Variants in SLMAP observed in about 807,000 individuals in gnomAD.
The protein encoded by SLMAP is sarcolemmal membrane-associated protein.
In SLMAP, 44 loss-of-function variants were observed where a neutral mutation model predicts 128.8. The observed-to-expected ratio is 0.34, with a 90% CI of 0.27 to 0.44. The LOEUF is 0.44. Ranked by LOEUF, SLMAP falls within the 20% of genes least tolerant of loss-of-function variation. The pLI is 1.00. For missense variants in SLMAP, 787 were observed against 985.3 expected, an observed-to-expected ratio of 0.80 and a Z score of 2.69; for synonymous variants, 327 against 348.8, an observed-to-expected ratio of 0.94 and a Z score of 0.70.
At chr3:57,912,319 A>G in intron 19 of SLMAP, 62 bp from the exon 20 acceptor site, 2 of 1,447,906 alleles carry the variant, frequency 1.4e-6, no homozygotes, top group South Asian at 1.2e-5. Flanking sequence ...ATTAGCTACA[A>G]TCCTGTATGG....
intron 13 of SLMAP, among the ~76,000 whole-genome samples, chr3:57,865,811 C>G (rs1032000144): frequency 6.6e-6 from 1 of 152,122 alleles, no homozygotes; most frequent in Non-Finnish European, 1.5e-5. Context: ...TTCTGGACAG[C>G]GTGGGTTCTC....
At chr3:57,758,165 A>G (rs1055514743) in intron 2 of SLMAP, among the ~76,000 whole-genome samples, 15 of 152,188 alleles carry the variant, frequency 9.9e-5, no homozygotes, top group Non-Finnish European at 1.9e-4. Context: ...TAGAAAGGTG[A>G]ATTCACAGTT....
intron 2 of SLMAP, among the ~76,000 whole-genome samples, chr3:57,774,786 A>C (rs1031205810): frequency 6.6e-6 from 1 of 152,126 alleles, no homozygotes; most frequent in Non-Finnish European, 1.5e-5. Flanking sequence ...AGCCTCCCAA[A>C]ATGCTGGGAT....
chr3:57,837,277 G>C (rs1266628404), intron 3 of SLMAP, among the ~76,000 whole-genome samples: 5 of 152,196 alleles, frequency 3.3e-5, no homozygotes, highest in Non-Finnish European at 7.3e-5. Flanking sequence ...AAGTGTGTCT[G>C]TCTTCACTGT....
rs2077769078 is a variant in SLMAP at position 57,756,909 on chromosome 3, G to A, written c.-743G>A. The A allele has an allele frequency of 6.6e-6, 1 of 152,330 alleles. No homozygotes were observed. Among genetic ancestry groups the A allele is most frequent in the South Asian group, 2.1e-4 (1 of 4,836 alleles). 9.4% of individuals were successfully genotyped at this position (152,330 alleles called of 1,614,324 possible). A position where few individuals can be genotyped will look rare whatever the true frequency, so the allele number is the denominator to read the frequency against. Reference sequence around the variant, plus strand: ...CTGGTCGCGGGGACGCTCGCCAGGTGCCCAGGAGTCCCGACTTGGCCACTG... The same window carrying A: ...CTGGTCGCGGGGACGCTCGCCAGGTACCCAGGAGTCCCGACTTGGCCACTG... On this transcript the variant is annotated 5_prime_UTR_variant, in exon 2 of 25. Transcript: ENST00000671191.
At chr3:57,850,613 T>G (rs1015453356) in intron 6 of SLMAP, among the ~76,000 whole-genome samples, 7 of 151,730 alleles carry the variant, frequency 4.6e-5, no homozygotes, top group Admixed American at 3.3e-4. Flanking sequence ...ATAGATGACT[T>G]TTGTTTTGTT....
intron 23 of SLMAP, 49 bp from the exon 24 acceptor site, chr3:57,925,796 G>T: frequency 7.4e-7 from 1 of 1,344,530 alleles, no homozygotes; most frequent in South Asian, 1.3e-5. Flanking sequence ...CCTCTTATCT[G>T]ATTACTTTCA....
chr3:57,922,504 C>T (rs2096936621), intron 22 of SLMAP, among the ~76,000 whole-genome samples: 1 of 150,106 alleles, frequency 6.7e-6, no homozygotes, highest in Non-Finnish European at 1.5e-5. Context: ...TCTTGGCTCA[C>T]TGCAACCTCT....
At chr3:57,860,126 C>G (rs893902866) in intron 8 of SLMAP, among the ~76,000 whole-genome samples, 4 of 152,178 alleles carry the variant, frequency 2.6e-5, no homozygotes, top group Non-Finnish European at 4.4e-5. Flanking sequence ...ACGCAATCCT[C>G]CCATCTCGGC....
chr3:57,801,809 T>G (rs2088492805), intron 2 of SLMAP, among the ~76,000 whole-genome samples: 1 of 152,064 alleles, frequency 6.6e-6, no homozygotes, highest in African/African-American at 2.4e-5. Flanking sequence ...TTTCCAGTAG[T>G]TTGTGCCAGT....
chr3:57,782,623 C>G (rs1434213589), intron 2 of SLMAP, among the ~76,000 whole-genome samples: 1 of 152,140 alleles, frequency 6.6e-6, no homozygotes, highest in African/African-American at 2.4e-5. Context: ...CAGGTGTGCA[C>G]CACCATGCCT....
chr3:57,909,105 C>T lies in SLMAP; in HGVS notation c.1654C>T (p.Arg552Ter). The stretch of plus-strand genomic sequence containing the variant: ...TTTGGAAGAAGAAAGAAAAGCCTAT[C>T]GAAATCAAGTTGAGGAATCCACTAA... ...ALLEEERKAY[R>*]NQVEESTKQI... Residue 552 changes from arginine (R) to a stop codon, truncating the protein, a stop_gained, in exon 19 of 25, where the codon CGA (arginine) becomes TGA (stop). Coordinates refer to ENST00000671191, the MANE Select transcript of SLMAP (RefSeq NM_001377540.1). LOFTEE classifies it high-confidence loss of function. 6.2e-7 allele frequency: 1 copy of T among 1,611,528 alleles called. No homozygotes were observed. The highest frequency in any genetic ancestry group is 8.5e-7 in the Non-Finnish European group (1 of 1,178,302).
intron 3 of SLMAP, 41 bp downstream of exon 3, chr3:57,831,571 AG>A (rs1021920280): frequency 1.5e-6 from 2 of 1,351,398 alleles, no homozygotes; most frequent in African/African-American, 3.0e-5. Flanking sequence ...TGTCTTTTAA[AG>A]GTTATTTAAT....
intron 2 of SLMAP, among the ~76,000 whole-genome samples, chr3:57,822,138 G>A (rs1308952154): frequency 6.6e-6 from 1 of 152,112 alleles, no homozygotes; most frequent in African/African-American, 2.4e-5. Context: ...TAGGTGCCAA[G>A]TAGATGTTAC....
rs1279419031 is a variant in SLMAP, at chr3:57,786,970, T to C, written c.198+29121T>C. Among the ~76,000 whole-genome samples, 4 of 152,220 alleles carry C rather than the reference T, an allele frequency of 2.6e-5. No homozygotes were observed. In the East Asian group the frequency reaches 7.7e-4, roughly 29 times the overall value. ...CCAGGATGATCTCGATCGCCTGACC[T>C]TGTGATCCGCCCGCCTCGGCCTCCC... On this transcript the variant is annotated intron_variant, in intron 2 of 24. Coordinates refer to ENST00000671191, the MANE Select transcript of SLMAP (RefSeq NM_001377540.1).
rs1016820088 is a variant in SLMAP at position 57,896,582 on chromosome 3, G to C, written c.1432G>C (p.Asp478His). 1.9e-6 allele frequency: 3 copies of C among 1,607,756 alleles called. No individual in the cohort carries two copies. The South Asian group carries it at 3.3e-5, about 18-fold the overall frequency. Reference protein sequence around the residue: ...LSPSKEKSSDDTTDAQMDEQD... With the variant: ...LSPSKEKSSDHTTDAQMDEQD... The stretch of plus-strand genomic sequence containing the variant: ...TCCAAGCAAGGAAAAAAGCAGTGAC[G>C]ACACTACAGGTGAGTTTTAACCTAA... Residue 478 changes from aspartate to histidine, a missense_variant, in exon 16 of 25, where the codon GAC becomes CAC. Transcript: ENST00000671191.
rs145017264 is a variant in SLMAP, at chr3:57,927,392, C to T, written c.*103C>T. 1.4e-5 allele frequency: 22 copies of T among 1,558,446 alleles called. No homozygotes were observed. Among genetic ancestry groups the T allele is most frequent in the African/African-American group, 8.1e-5 (6 of 74,236 alleles). On this transcript the variant is annotated 3_prime_UTR_variant, in exon 25 of 25. Transcript: ENST00000671191. ...TCTGGCCAGAGCTTCTCCATGAGAG[C>T]GTTCCTTGAGTCCGTACACCGTCCT...
Position 57,890,076 on chromosome 3 carries a change from G to A in SLMAP, c.1336G>A (p.Val446Ile). ...CGTCGAAGGGCATCTAACCAAAGCGGTAGAAGAAACAAAGCTTTCAAAAGG... is the reference window on the plus strand; with the variant it reads ...CGTCGAAGGGCATCTAACCAAAGCGATAGAAGAAACAAAGCTTTCAAAAGG... The part of the protein sequence containing the change: ...LIVEGHLTKA[V>I]EETKLSKENQ... Residue 446 changes from valine (V) to isoleucine (I), a missense_variant, in exon 15 of 25, where the codon GTA becomes ATA. Transcript: ENST00000671191. 1.2e-6 allele frequency: 2 copies of A among 1,613,914 alleles called. No individual in the cohort carries two copies. Among genetic ancestry groups the A allele is most frequent in the East Asian group, 4.5e-5 (2 of 44,866 alleles).
At chr3:57,881,799 A>G (rs1425206540) in intron 14 of SLMAP, among the ~76,000 whole-genome samples, 1 of 152,180 alleles carries the variant, frequency 6.6e-6, no homozygotes, top group Non-Finnish European at 1.5e-5. Flanking sequence ...GATTCACAAG[A>G]TTTGAAAATA....
Sources: gnomAD v4.1 joint callset for allele counts (sites outside exome capture counted in the v4.1 genomes callset) on GRCh38, gnomAD v4.1.1 for gene constraint, MANE v1.5 for transcripts, NCBI Gene and HGNC (gene_info 2026-07-23, HGNC 2026-07-21) for gene names.